Variants in DYNLT2B observed in about 807,000 individuals in gnomAD.
DYNLT2B encodes dynein light chain Tctex-type protein 2B.
A neutral mutation model predicts 19.5 loss-of-function variants in DYNLT2B; 14 were observed. The ratio of observed to expected loss-of-function variants is 0.72; its 90% CI spans 0.47 to 1.12. The LOEUF (loss-of-function observed/expected upper bound fraction) is 1.12. Ranked by LOEUF, DYNLT2B falls within the 50% of genes most tolerant of loss-of-function variation. DYNLT2B has a pLI of 0.00. For missense variants in DYNLT2B, 133 were observed against 174.7 expected (o/e 0.76, Z 1.35); for synonymous variants, 70 against 59.7 (o/e 1.17, Z -0.79).
intron 1 of DYNLT2B, 30 bp downstream of exon 1, chr3:196,318,010 T>G (rs1351792736): frequency 2.9e-6 from 4 of 1,370,956 alleles, no homozygotes; most frequent in South Asian, 1.5e-5. Flanking sequence ...GCGCTCGAGG[T>G]CGCCCCGCCA....
intron 4 of DYNLT2B, 94 bp downstream of exon 4, chr3:196,295,908 AAGAC>A: frequency 9.0e-6 from 9 of 995,588 alleles, no homozygotes; most frequent in Non-Finnish European, 1.4e-5. Context: ...ATGAATGACT[AAGAC>A]AGCAGTGTCT....
intron 3 of DYNLT2B, among the ~76,000 whole-genome samples, chr3:196,303,454 T>G (rs1204784631): frequency 6.6e-6 from 1 of 152,152 alleles, no homozygotes; most frequent in African/African-American, 2.4e-5. Flanking sequence ...CTGAGAAGCA[T>G]TAGCTCAGGC....
rs1015424838 is a variant in DYNLT2B, at chr3:196,316,206, A to G, written c.139T>C (p.Cys47Arg). The G allele has an allele frequency of 1.2e-6, 2 of 1,612,644 alleles. No homozygotes were observed. Among genetic ancestry groups the G allele is most frequent in the African/African-American group, 2.7e-5 (2 of 74,918 alleles). ...QRFRPSVVKD[C>R]IHAVLKEELA... ...TCCTCCTTGAGCACAGCATGGATAC[A>G]GTCTTTAACCACAGAGGGCCTGAAC... is the stretch of plus-strand genomic sequence containing the variant. The change falls in exon 2 of 5, where the codon TGT (cysteine) becomes CGT (arginine). Residue 47 changes from cysteine to arginine, a missense_variant. Transcript: ENST00000325318.
chr3:196,296,139 G>T, intron 3 of DYNLT2B, 70 bp from the exon 4 acceptor site: 1 of 1,292,318 alleles, frequency 7.7e-7, no homozygotes. Flanking sequence ...TCTGCCACGA[G>T]AAACAGTGTT....
intron 2 of DYNLT2B, among the ~76,000 whole-genome samples, chr3:196,315,034 C>T (rs1726742903): frequency 6.6e-6 from 1 of 152,030 alleles, no homozygotes; most frequent in Non-Finnish European, 1.5e-5. Context: ...CCAAGAAATA[C>T]AGGGGAAAGG....
At chr3:196,310,514 C>T (rs570289468) in intron 2 of DYNLT2B, among the ~76,000 whole-genome samples, 5 of 152,154 alleles carry the variant, frequency 3.3e-5, no homozygotes, top group South Asian at 4.1e-4. Flanking sequence ...CTGCAACCTC[C>T]ACCTCCTGGG....
intron 2 of DYNLT2B, among the ~76,000 whole-genome samples, chr3:196,311,577 T>C (rs991863993): frequency 2.6e-5 from 4 of 152,114 alleles, no homozygotes; most frequent in Non-Finnish European, 5.9e-5. Context: ...GAATAAAGTC[T>C]GCAGATTGAA....
At chr3:196,299,389 T>C (rs1262443876) in intron 3 of DYNLT2B, among the ~76,000 whole-genome samples, 2 of 151,580 alleles carry the variant, frequency 1.3e-5, no homozygotes, top group Non-Finnish European at 2.9e-5. Context: ...TTGGCCCTAA[T>C]TTTTTGTATT....
At chr3:196,307,176 A>G (rs1223222004) in intron 2 of DYNLT2B, among the ~76,000 whole-genome samples, 164 bp from the exon 3 acceptor site, 1 of 152,172 alleles carries the variant, frequency 6.6e-6, no homozygotes, top group African/African-American at 2.4e-5. Context: ...TCCTAACTAT[A>G]ACTCAGCAAG....
intron 2 of DYNLT2B, among the ~76,000 whole-genome samples, chr3:196,307,815 C>T (rs1340840932): frequency 1.3e-5 from 2 of 151,556 alleles, no homozygotes; most frequent in Non-Finnish European, 2.9e-5. Flanking sequence ...CACGGTGGCT[C>T]ACGCCTGTAA....
At chr3:196,296,223 C>T in intron 3 of DYNLT2B, 154 bp from the exon 4 acceptor site, 2 of 648,658 alleles carry the variant, frequency 3.1e-6, no homozygotes, top group Non-Finnish European at 5.4e-6. Flanking sequence ...TGTATTTGTA[C>T]CAGAGAGTAT....
At chr3:196,301,514 A>G (rs1271290363) in intron 3 of DYNLT2B, among the ~76,000 whole-genome samples, 1 of 152,124 alleles carries the variant, frequency 6.6e-6, no homozygotes, top group Non-Finnish European at 1.5e-5. Context: ...GGAGTTCCAG[A>G]TAAGCCTGGT....
chr3:196,301,120 G>A (rs967287025), intron 3 of DYNLT2B, among the ~76,000 whole-genome samples: 1 of 152,042 alleles, frequency 6.6e-6, no homozygotes, highest in Non-Finnish European at 1.5e-5. Flanking sequence ...ACAACTCTCA[G>A]ATGAGTTGGC....
intron 2 of DYNLT2B, 85 bp downstream of exon 2, chr3:196,316,013 C>T: frequency 4.8e-6 from 7 of 1,472,546 alleles, no homozygotes; most frequent in Non-Finnish European, 6.4e-6. Context: ...CCCCAATGTC[C>T]TTTGTTTAAA....
intron 2 of DYNLT2B, among the ~76,000 whole-genome samples, chr3:196,307,745 C>T (rs1324461173): frequency 1.3e-5 from 2 of 151,832 alleles, no homozygotes; most frequent in East Asian, 1.9e-4. Flanking sequence ...AGACGTTTTT[C>T]TTGCCTTAAA....
intron 3 of DYNLT2B, among the ~76,000 whole-genome samples, chr3:196,303,952 G>C (rs377612080): frequency 1.3e-5 from 2 of 152,110 alleles, no homozygotes; most frequent in East Asian, 1.9e-4. Context: ...AAGCCCAAGA[G>C]GTCAAAGCTG....
intron 4 of DYNLT2B, among the ~76,000 whole-genome samples, chr3:196,293,531 CAGG>C (rs1472885879): frequency 2.0e-5 from 3 of 151,490 alleles, no homozygotes; most frequent in African/African-American, 4.8e-5. Context: ...GAGGCTGGGG[CAGG>C]AGAATTACTT....
chr3:196,313,971 G>C (rs1186940728), intron 2 of DYNLT2B, among the ~76,000 whole-genome samples: 1 of 151,612 alleles, frequency 6.6e-6, no homozygotes, highest in Non-Finnish European at 1.5e-5. Context: ...GGTGGCACTT[G>C]CCTGTAATCC....
At chr3:196,306,510 A>G (rs1194851049) in intron 3 of DYNLT2B, among the ~76,000 whole-genome samples, 8 of 152,042 alleles carry the variant, frequency 5.3e-5, no homozygotes, top group African/African-American at 1.7e-4. Context: ...ATATTTTATG[A>G]TATTAAGGAC....
Sources: allele counts gnomAD v4.1 joint callset (sites outside exome capture counted in the v4.1 genomes callset), GRCh38; gene constraint gnomAD v4.1.1; transcripts MANE v1.5; gene names NCBI Gene and HGNC (gene_info 2026-07-23, HGNC 2026-07-21).